The following CPNE4 variants were observed in gnomAD, a reference collection of about 807,000 sequenced individuals.
The protein encoded by CPNE4 is copine-4.
In CPNE4, 25 loss-of-function variants were observed where a neutral mutation model predicts 67.9. The observed-to-expected ratio is 0.37, with a 90% CI of 0.27 to 0.51. The LOEUF is 0.51. Ranked by LOEUF, CPNE4 falls within the 20% of genes least tolerant of loss-of-function variation. The pLI is 0.93. For synonymous variants in CPNE4, 242 were observed against 244.9 expected, an observed-to-expected ratio of 0.99 and a Z score of 0.11; for missense variants, 464 against 690.8, an observed-to-expected ratio of 0.67 and a Z score of 3.68.
chr3:131,823,500 A>G (rs185057265), intron 2 of CPNE4, among the ~76,000 whole-genome samples: 2 of 152,352 alleles, frequency 1.3e-5, no homozygotes, highest in East Asian at 3.9e-4. Context: ...GAAATGTGCC[A>G]TATGTTCTGA....
intron 2 of CPNE4, among the ~76,000 whole-genome samples, chr3:131,892,585 A>C (rs1254384650): frequency 6.6e-6 from 1 of 152,140 alleles, no homozygotes; most frequent in Non-Finnish European, 1.5e-5. Context: ...ATCCTCTACT[A>C]TAAAGGTTTA....
At chr3:131,792,623 A>ATATATACACGTGTGTATATATG (rs2083762576) in intron 2 of CPNE4, among the ~76,000 whole-genome samples, 1 of 76,046 alleles carries the variant, frequency 1.3e-5, no homozygotes, top group African/African-American at 4.9e-5. Flanking sequence ...ATATATGTAT[A>ATATATACACGTGTGTATATATG]TATATATACA....
intron 2 of CPNE4, among the ~76,000 whole-genome samples, chr3:131,854,121 C>T (rs148005860): frequency 1.2e-4 from 18 of 151,758 alleles, no homozygotes; most frequent in Admixed American, 2.0e-4. Flanking sequence ...AGCTAAAAAC[C>T]GATAATAGCA....
intron 2 of CPNE4, among the ~76,000 whole-genome samples, chr3:131,762,791 T>C (rs2082921103): frequency 6.6e-6 from 1 of 152,106 alleles, no homozygotes; most frequent in African/African-American, 2.4e-5. Context: ...ATCATTATTT[T>C]ATAGATAGCA....
chr3:131,604,073 A>C (rs1178989743), intron 7 of CPNE4, among the ~76,000 whole-genome samples: 1 of 152,102 alleles, frequency 6.6e-6, no homozygotes, highest in African/African-American at 2.4e-5. Context: ...CATACTTCTT[A>C]TTAATAGAGC....
chr3:131,559,634 A>C (rs1253747870), intron 11 of CPNE4, among the ~76,000 whole-genome samples: 1 of 152,040 alleles, frequency 6.6e-6, no homozygotes, highest in African/African-American at 2.4e-5. Context: ...TTATAATTTT[A>C]TTACAGAAAT....
At chr3:131,854,161 A>G (rs2086345756) in intron 2 of CPNE4, among the ~76,000 whole-genome samples, 1 of 151,936 alleles carries the variant, frequency 6.6e-6, no homozygotes, top group Admixed American at 6.6e-5. Flanking sequence ...AATGAATAAA[A>G]CATATTTTAG....
chr3:131,829,774 T>G (rs971316357), intron 2 of CPNE4, among the ~76,000 whole-genome samples: 1 of 152,234 alleles, frequency 6.6e-6, no homozygotes. Flanking sequence ...TTAAGCATCA[T>G]TTGTTTTTGA....
At chr3:131,717,111 C>T (rs1040687403) in intron 3 of CPNE4, among the ~76,000 whole-genome samples, 2 of 152,186 alleles carry the variant, frequency 1.3e-5, no homozygotes, top group African/African-American at 4.8e-5. Context: ...GCAAAACCCC[C>T]ATTCACGCCA....
In CPNE4 at chr3:131,564,171, C is replaced by T; in HGVS notation, c.1061+45G>A. 5 of 1,610,966 alleles carry T rather than the reference C, an allele frequency of 3.1e-6. No individual in the cohort carries two copies. The Admixed American group carries it at 5.0e-5, about 16-fold the overall frequency. On this transcript the variant is annotated intron_variant, in intron 11 of 15. Coordinates refer to ENST00000429747, the MANE Select transcript of CPNE4 (RefSeq NM_130808.3). The stretch of plus-strand genomic sequence containing the variant: ...AGGATCAGCCAAAGACCGTCTGAAC[C>T]CACATGAGAGATGATAAGGCTCCAA...
intron 7 of CPNE4, among the ~76,000 whole-genome samples, chr3:131,590,958 T>G (rs1398743746): frequency 6.6e-6 from 1 of 152,190 alleles, no homozygotes; most frequent in African/African-American, 2.4e-5. Flanking sequence ...CATTTTTCAA[T>G]GAACAGTGGA....
intron 1 of CPNE4, among the ~76,000 whole-genome samples, chr3:131,984,482 C>A (rs1003319505): frequency 1.3e-5 from 2 of 152,166 alleles, no homozygotes; most frequent in Admixed American, 1.3e-4. Context: ...TAACTCTTCT[C>A]CCCCACCTCT....
At chr3:131,900,466 C>A (rs1459341012) in intron 2 of CPNE4, among the ~76,000 whole-genome samples, 1 of 152,062 alleles carries the variant, frequency 6.6e-6, no homozygotes, top group Admixed American at 6.6e-5. Context: ...GTAACCTAGG[C>A]ACCCTTGAGA....
At chr3:131,644,771 C>G (rs1381102309) in intron 7 of CPNE4, among the ~76,000 whole-genome samples, 9 of 152,060 alleles carry the variant, frequency 5.9e-5, no homozygotes, top group Admixed American at 5.9e-4. Flanking sequence ...GCTCTGGACT[C>G]TAGATAAAAT....
chr3:131,857,279 T>G (rs960985358), intron 2 of CPNE4, among the ~76,000 whole-genome samples: 1 of 152,082 alleles, frequency 6.6e-6, no homozygotes, highest in African/African-American at 2.4e-5. Flanking sequence ...CAAAACTGAT[T>G]GTGGGTGCTT....
chr3:131,935,420 A>G (rs12633498), intron 1 of CPNE4, among the ~76,000 whole-genome samples: 26,656 of 152,126 alleles, frequency 0.18, 2,651 homozygotes, highest in East Asian at 0.31. Context: ...GGATGTTTTA[A>G]TTAGCGATAT....
chr3:131,617,752 T>C (rs961911832), intron 7 of CPNE4, among the ~76,000 whole-genome samples: 7 of 152,194 alleles, frequency 4.6e-5, no homozygotes, highest in African/African-American at 1.7e-4. Flanking sequence ...CTGGGTTATA[T>C]ACGGGTTCCA....
At chr3:131,614,185 T>C (rs1234140116) in intron 7 of CPNE4, among the ~76,000 whole-genome samples, 1 of 152,198 alleles carries the variant, frequency 6.6e-6, no homozygotes, top group Non-Finnish European at 1.5e-5. Flanking sequence ...ATTCTGCACA[T>C]GTCTATACTA....
intron 2 of CPNE4, among the ~76,000 whole-genome samples, chr3:131,740,070 T>C (rs1255135405): frequency 1.3e-5 from 2 of 152,140 alleles, no homozygotes; most frequent in Non-Finnish European, 2.9e-5. Flanking sequence ...CTAGACCTCA[T>C]GGATGAAAGA....
Sources: gnomAD v4.1 joint callset for allele counts (sites outside exome capture counted in the v4.1 genomes callset) on GRCh38, gnomAD v4.1.1 for gene constraint, MANE v1.5 for transcripts, NCBI Gene and HGNC (gene_info 2026-07-23, HGNC 2026-07-21) for gene names.